The following PTPRD variants were observed in gnomAD, a reference collection of about 807,000 sequenced individuals.
PTPRD encodes receptor-type tyrosine-protein phosphatase delta.
PTPRD carries 34 observed loss-of-function variants against 214.5 expected under a neutral mutation model. The observed-to-expected ratio is 0.16, with a 90% CI of 0.12 to 0.21. The LOEUF (loss-of-function observed/expected upper bound fraction) is 0.21, where lower values mean the gene tolerates loss of function less well. Among genes scored for constraint, PTPRD ranks in the 10% least tolerant of loss-of-function variants. PTPRD has a pLI of 1.00. For synonymous variants in PTPRD, 1,128 were observed against 845.7 expected (o/e 1.33, Z -5.79); for missense variants, 2,545 against 2,398.7 (o/e 1.06, Z -1.27).
chr9:9,225,635 G>A (rs1035783383), intron 9 of PTPRD, among the ~76,000 whole-genome samples: 4 of 151,992 alleles, frequency 2.6e-5, no homozygotes, highest in Admixed American at 2.6e-4. Flanking sequence ...AACTTACCTT[G>A]AGACATAATC....
At chr9:9,124,732 G>T (rs1460873874) in intron 10 of PTPRD, among the ~76,000 whole-genome samples, 1 of 152,098 alleles carries the variant, frequency 6.6e-6, no homozygotes, top group Non-Finnish European at 1.5e-5. Context: ...TTTCCATTCA[G>T]CCTTGTTGCA....
intron 35 of PTPRD, among the ~76,000 whole-genome samples, chr9:8,419,878 A>C (rs1463795615): frequency 6.6e-6 from 1 of 152,106 alleles, no homozygotes; most frequent in African/African-American, 2.4e-5. Context: ...GGGTCCAAAA[A>C]TCTGAGAGTC....
At chr9:10,533,997 A>C (rs932258764) in intron 2 of PTPRD, among the ~76,000 whole-genome samples, 1 of 151,494 alleles carries the variant, frequency 6.6e-6, no homozygotes, top group African/African-American at 2.4e-5. Context: ...TAATAAATAT[A>C]AAATATTTGT....
At chr9:8,393,390 T>G (rs2135875002) in intron 36 of PTPRD, among the ~76,000 whole-genome samples, 1 of 152,316 alleles carries the variant, frequency 6.6e-6, no homozygotes, top group Middle Eastern at 3.4e-3. Context: ...GAGACCTTCC[T>G]CCAATACTAG....
chr9:9,863,368 A>G (rs2063215589), intron 5 of PTPRD, among the ~76,000 whole-genome samples: 1 of 152,166 alleles, frequency 6.6e-6, no homozygotes, highest in African/African-American at 2.4e-5. Flanking sequence ...GACACCCGAC[A>G]GTCATATTTT....
At chr9:10,231,983 A>AGTGTGTGTGT (rs1194347516) in intron 3 of PTPRD, among the ~76,000 whole-genome samples, 14 of 97,228 alleles carry the variant, frequency 1.4e-4, no homozygotes, top group South Asian at 1.0e-3. Context: ...AGAGAGAGAG[A>AGTGTGTGTGT]GAGAGAGTGT....
intron 4 of PTPRD, among the ~76,000 whole-genome samples, chr9:9,979,789 T>A (rs1407848954): frequency 1.3e-5 from 2 of 152,004 alleles, no homozygotes; most frequent in Admixed American, 6.6e-5. Flanking sequence ...TATTAAAGAG[T>A]ATAGAATGAT....
chr9:8,562,540 G>T (rs1377993526), intron 14 of PTPRD, among the ~76,000 whole-genome samples: 1 of 152,022 alleles, frequency 6.6e-6, no homozygotes, highest in South Asian at 2.1e-4. Context: ...AGGTTCAAGT[G>T]ATCTTCCCAC....
At chr9:9,883,152 C>A (rs1427220067) in intron 5 of PTPRD, among the ~76,000 whole-genome samples, 1 of 151,906 alleles carries the variant, frequency 6.6e-6, no homozygotes, top group Non-Finnish European at 1.5e-5. Flanking sequence ...ATGAACAAAC[C>A]CCCCAAGAGG....
chr9:8,678,150 A>G (rs899775785), intron 12 of PTPRD, among the ~76,000 whole-genome samples: 5 of 152,210 alleles, frequency 3.3e-5, no homozygotes, highest in Non-Finnish European at 7.3e-5. Flanking sequence ...TTAAACATCC[A>G]GAAAACTGCT....
At chr9:9,332,934 C>T (rs1470140481) in intron 9 of PTPRD, among the ~76,000 whole-genome samples, 1 of 151,930 alleles carries the variant, frequency 6.6e-6, no homozygotes, top group African/African-American at 2.4e-5. Context: ...GTGTTATTCT[C>T]TTATGTTAGT....
intron 3 of PTPRD, among the ~76,000 whole-genome samples, chr9:10,055,073 T>C (rs1329910753): frequency 1.3e-5 from 2 of 152,122 alleles, no homozygotes; most frequent in South Asian, 4.1e-4. Flanking sequence ...AGCAAGAAGG[T>C]GGCCCTCTGC....
intron 2 of PTPRD, among the ~76,000 whole-genome samples, chr9:10,565,410 T>C (rs2065290048): frequency 6.6e-6 from 1 of 152,056 alleles, no homozygotes; most frequent in African/African-American, 2.4e-5. Context: ...GTAGCAAAAA[T>C]TATGGACCAA....
intron 3 of PTPRD, among the ~76,000 whole-genome samples, chr9:10,286,863 T>C (rs1344741685): frequency 6.6e-6 from 1 of 152,142 alleles, no homozygotes; most frequent in East Asian, 1.9e-4. Context: ...CCTCCCAAAG[T>C]GCTGAGATTA....
At chr9:9,279,513 C>T (rs1441586279) in intron 9 of PTPRD, among the ~76,000 whole-genome samples, 2 of 150,280 alleles carry the variant, frequency 1.3e-5, no homozygotes, top group Admixed American at 1.3e-4. Context: ...GCATAAGATA[C>T]TCATAAACTT....
intron 9 of PTPRD, among the ~76,000 whole-genome samples, chr9:9,357,764 G>C (rs1023646287): frequency 2.0e-5 from 3 of 150,558 alleles, no homozygotes; most frequent in Admixed American, 1.3e-4. Context: ...GACTATTTTA[G>C]GTTGACCCTG....
intron 9 of PTPRD, among the ~76,000 whole-genome samples, chr9:9,317,336 C>T (rs2135793678): frequency 6.6e-6 from 1 of 152,300 alleles, no homozygotes; most frequent in East Asian, 1.9e-4. Flanking sequence ...TATCTCTTTT[C>T]CCTTGGAAGT....
rs1244671330 is a variant in PTPRD, at chr9:9,718,348, A to T, written c.-287+16185T>A. 4.6e-5 allele frequency among the ~76,000 whole-genome samples: 7 copies of T among 152,202 alleles called. No individual in the cohort carries two copies. In the South Asian group the frequency reaches 6.2e-4, roughly 13 times the overall value. ...AAAAAATAAACACTGACGGCTGCAG[A>T]AGCCCATCTAGAGTGGCCGCTGTGA... On this transcript the variant is annotated intron_variant, in intron 7 of 45. Transcript: ENST00000381196.
chr9:9,052,122 C>T (rs1051981659), intron 10 of PTPRD, among the ~76,000 whole-genome samples: 3 of 152,156 alleles, frequency 2.0e-5, no homozygotes, highest in African/African-American at 7.2e-5. Context: ...GTTACAGCCG[C>T]CTTCCTGGTT....
Sources: gnomAD v4.1 joint callset for allele counts (sites outside exome capture counted in the v4.1 genomes callset) on GRCh38, gnomAD v4.1.1 for gene constraint, MANE v1.5 for transcripts, NCBI Gene and HGNC (gene_info 2026-07-23, HGNC 2026-07-21) for gene names.